Variants in CLSPN observed in about 807,000 individuals in gnomAD.
CLSPN encodes claspin, also known as claspin homolog.
CLSPN carries 85 observed loss-of-function variants against 156.3 expected under a neutral mutation model. The observed-to-expected ratio is 0.54, with a 90% confidence interval of 0.46 to 0.65. The LOEUF (loss-of-function observed/expected upper bound fraction) is 0.65. Ranked by LOEUF, CLSPN falls within the 30% of genes least tolerant of loss-of-function variation. The pLI, the probability that CLSPN is intolerant of heterozygous loss-of-function variation, is 0.00. For missense variants in CLSPN, 1,407 were observed against 1,554.9 expected (o/e 0.90, Z 1.60); for synonymous variants, 534 against 542.4 (o/e 0.98, Z 0.22).
intron 1 of CLSPN, among the ~76,000 whole-genome samples, chr1:35,768,335 T>G (rs1436653868): frequency 6.6e-6 from 1 of 150,958 alleles, no homozygotes; most frequent in Non-Finnish European, 1.5e-5. Flanking sequence ...GCCACTGCAC[T>G]CCAGTCTGGG....
At position 35,734,402 on chromosome 1, in the gene CLSPN, G is replaced by A. The variant is rs1366002679; in HGVS notation, c.*2094C>T. On this transcript the variant is annotated 3_prime_UTR_variant, in exon 25 of 25. Coordinates refer to ENST00000318121, the MANE Select transcript of CLSPN (RefSeq NM_022111.4). ...ATTAGAAAACTGTAGAAAACCGGCC[G>A]GGTGCGGTGGCTCATGCCTATAATC... 8.1e-6 allele frequency: 8 copies of A among 984,752 alleles called. No individual in the cohort carries two copies. The African/African-American group carries it at 8.7e-5, about 11-fold the overall frequency. 61.0% of individuals were successfully genotyped at this position (984,752 alleles called of 1,614,324 possible).
At position 35,733,499 on chromosome 1, in the gene CLSPN, A is replaced by G. The variant is rs1641370548; in HGVS notation, c.*2997T>C. 27 of 984,976 alleles carry G rather than the reference A, an allele frequency of 2.7e-5. No homozygotes were observed. The highest frequency in any genetic ancestry group is 3.3e-5 in the Non-Finnish European group (27 of 829,848). 61.0% of individuals were successfully genotyped at this position (984,976 alleles called of 1,614,324 possible). On this transcript the variant is annotated 3_prime_UTR_variant, in exon 25 of 25. Coordinates refer to ENST00000318121, the MANE Select transcript of CLSPN (RefSeq NM_022111.4). Reference sequence around the variant, plus strand: ...CAATTGTCTTTTCTATCTCTCCTCAAAAGACATGTAGGGAAACAAGAGGGA... The same window carrying G: ...CAATTGTCTTTTCTATCTCTCCTCAGAAGACATGTAGGGAAACAAGAGGGA...
intron 8 of CLSPN, among the ~76,000 whole-genome samples, chr1:35,758,189 T>C (rs1213609138): frequency 6.6e-6 from 1 of 151,440 alleles, no homozygotes; most frequent in Non-Finnish European, 1.5e-5. Flanking sequence ...TTTTTTTTTA[T>C]GAGACAGGGT....
exon 25 of CLSPN, chr1:35,720,777 G>T: frequency 1.5e-6 from 1 of 664,870 alleles, no homozygotes; most frequent in Non-Finnish European, 2.5e-6. Flanking sequence ...TCTCAGCTTT[G>T]GTGATCTAGG....
In CLSPN at chr1:35,738,501, C is replaced by T. The variant is rs1191226969; in HGVS notation, c.3512G>A (p.Arg1171Lys). The T allele has an allele frequency of 3.1e-6, 5 of 1,613,874 alleles. No individual in the cohort carries two copies. In the African/African-American group the frequency reaches 5.3e-5, roughly 17 times the overall value. ...TEEQLDESEA[R>K]WRKERIEREQ... ...TCGTTCAATTCGCTCCTTCCTCCAC[C>T]TGGCTTCTGACTCATCAAGCTGTTC... The change falls in exon 21 of 25, where the codon AGG (arginine) becomes AAG (lysine). Residue 1171 changes from arginine (R) to lysine (K), a missense_variant. By Grantham distance (26) the Arg-to-Lys change is conservative. This residue lies in a region of CLSPN where 241 missense variants were observed against 240.5 expected (regional missense o/e 1.00). Coordinates refer to ENST00000318121, the MANE Select transcript of CLSPN (RefSeq NM_022111.4).
Position 35,735,944 on chromosome 1 carries a change from G to C in CLSPN, c.*552C>G. The C allele has an allele frequency of 1.0e-6, 1 of 985,162 alleles. No homozygotes were observed. The highest frequency in any genetic ancestry group is 1.7e-5 in the African/African-American group (1 of 57,312). The allele number at this position is 985,162 out of a possible 1,614,324, so 61.0% of individuals were successfully genotyped here. A position where few individuals can be genotyped will look rare whatever the true frequency, so the allele number is the denominator to read the frequency against. ...GAAGTGAAACCTAACCCAAGGCCAGGTGCAGTGACTCATGCATGTGACCAG... is the reference window on the plus strand; with the variant it reads ...GAAGTGAAACCTAACCCAAGGCCAGCTGCAGTGACTCATGCATGTGACCAG... On this transcript the variant is annotated 3_prime_UTR_variant, in exon 25 of 25. Transcript: ENST00000318121.
intron 22 of CLSPN, 44 bp downstream of exon 22, chr1:35,737,948 T>G: frequency 5.3e-6 from 6 of 1,135,432 alleles, no homozygotes; most frequent in Non-Finnish European, 7.4e-6. Flanking sequence ...GCTCTACCAC[T>G]AACAATCCAG....
Position 35,764,408 on chromosome 1 carries a change from T to A in CLSPN, c.440A>T (p.Asp147Val). ...QSGNSTDFTT[D>V]RKSSKKHIHD... ...TATGTGCTTTTTGGAACTCTTTCTGTCAGTGGTAAAGTCTGTAGAGTTTCC... is the reference window on the plus strand; with the variant it reads ...TATGTGCTTTTTGGAACTCTTTCTGACAGTGGTAAAGTCTGTAGAGTTTCC... Residue 147 changes from aspartate to valine, a missense_variant, in exon 3 of 25, where the codon GAC (aspartate) becomes GTC (valine). Transcript: ENST00000318121. 1 of 1,613,992 alleles carries A rather than the reference T, an allele frequency of 6.2e-7. No individual in the cohort carries two copies. The highest frequency in any genetic ancestry group is 1.1e-5 in the South Asian group (1 of 91,008).
At chr1:35,738,401 T>G in intron 21 of CLSPN, 54 bp downstream of exon 21, 2 of 1,574,396 alleles carry the variant, frequency 1.3e-6, no homozygotes. Context: ...GAAACTATCA[T>G]GACAAGCTAA....
chr1:35,751,469 T>C lies in CLSPN; in HGVS notation c.1809A>G (p.Glu603=), dbSNP rs1642085557. The change falls in exon 10 of 25, where the codon GAA becomes GAG. Residue 603 remains glutamate (E), a synonymous_variant. Coordinates refer to ENST00000318121, the MANE Select transcript of CLSPN (RefSeq NM_022111.4). ...KLQVLKAKLQ[E]AMKLRRFEER... ...CCTCAAACCTTCGGAGTTTCATTGC[T>C]TCTTGCAGTTTAGCTTTTAACACCT... 1.2e-6 allele frequency: 2 copies of C among 1,614,118 alleles called. No individual in the cohort carries two copies. The highest frequency in any genetic ancestry group is 1.7e-6 in the Non-Finnish European group (2 of 1,180,014).
chr1:35,736,079 G>C lies in CLSPN; in HGVS notation c.*417C>G, dbSNP rs182540073. The C allele has an allele frequency of 1.8e-6, 1 of 544,104 alleles. No homozygotes were observed. The highest frequency in any genetic ancestry group is 2.1e-5 in the African/African-American group (1 of 48,552). 33.7% of individuals were successfully genotyped at this position (544,104 alleles called of 1,614,324 possible). A position where few individuals can be genotyped will look rare whatever the true frequency, so the allele number is the denominator to read the frequency against. ...CTAAAAATACAAAAATTAGCTGGGC[G>C]TATTGGCACATGCCTGTAATCCCAG... is the stretch of plus-strand genomic sequence containing the variant. On this transcript the variant is annotated 3_prime_UTR_variant, in exon 25 of 25. Transcript: ENST00000318121.
chr1:35,763,456 T>G lies in CLSPN; in HGVS notation c.583-135A>C, dbSNP rs1417791620. On this transcript the variant is annotated intron_variant, in intron 3 of 24. Coordinates refer to ENST00000318121, the MANE Select transcript of CLSPN (RefSeq NM_022111.4). ...AGACAAGCATATAAAATCTAGAACA[T>G]TCTTACTGGTTTCTAACTCACATGT... 20 of 555,026 alleles carry G rather than the reference T, an allele frequency of 3.6e-5. No homozygotes were observed. In the Admixed American group the frequency reaches 7.5e-4, roughly 21 times the overall value. The allele number at this position is 555,026 out of a possible 1,614,324, so 34.4% of individuals were successfully genotyped here.
chr1:35,767,328 T>C (rs911857868), intron 1 of CLSPN, among the ~76,000 whole-genome samples: 4 of 152,224 alleles, frequency 2.6e-5, no homozygotes, highest in Non-Finnish European at 4.4e-5. Context: ...GTTTGTTAGA[T>C]ATGCACACTA....
At position 35,749,821 on chromosome 1, in the gene CLSPN, T is replaced by C; in HGVS notation, c.2029-10A>G. 1 of 1,611,482 alleles carries C rather than the reference T, an allele frequency of 6.2e-7. No individual in the cohort carries two copies. Among genetic ancestry groups the C allele is most frequent in the Middle Eastern group, 1.7e-4 (1 of 6,034 alleles). On this transcript the variant is annotated splice_polypyrimidine_tract_variant and intron_variant, in intron 10 of 24. Transcript: ENST00000318121. Reference sequence around the variant, plus strand: ...GAAGGAATTCTGCAGTCTTTACCAATCAGGCCACCACAAAACAAAAAATAC... The same window carrying C: ...GAAGGAATTCTGCAGTCTTTACCAACCAGGCCACCACAAAACAAAAAATAC...
In CLSPN at chr1:35,743,125, TATTAATAAC is replaced by T; in HGVS notation, c.3143+7_3143+15del. The T allele has an allele frequency of 6.3e-7, 1 of 1,599,364 alleles. No individual in the cohort carries two copies. The highest frequency in any genetic ancestry group is 8.6e-7 in the Non-Finnish European group (1 of 1,166,910). ...TTAAATACACCTGAAGGAATGGACA[TATTAATAAC>T]ACGTACATTTGCCTTTTCAACTTCT... On this transcript the variant is annotated splice_region_variant and intron_variant, in intron 18 of 24. Coordinates refer to ENST00000318121, the MANE Select transcript of CLSPN (RefSeq NM_022111.4).
intron 24 of CLSPN, among the ~76,000 whole-genome samples, chr1:35,724,573 C>T (rs954596958): frequency 2.0e-5 from 3 of 152,214 alleles, no homozygotes; most frequent in African/African-American, 4.8e-5. Flanking sequence ...CTTCTCTCTT[C>T]CTGAGGTCAC....
At chr1:35,736,777 T>G in intron 24 of CLSPN, 137 bp downstream of exon 24, 3 of 1,297,032 alleles carry the variant, frequency 2.3e-6, no homozygotes, top group Non-Finnish European at 3.1e-6. Flanking sequence ...GGGTAGCAAT[T>G]CTCTTGTACC....
downstream of CLSPN, among the ~76,000 whole-genome samples, chr1:35,729,771 C>T (rs11264194): frequency 0.19 from 29,223 of 152,152 alleles, 4,426 homozygotes; most frequent in East Asian, 0.71. Context: ...TCAGCTCTAC[C>T]CATTCCTCAG....
At chr1:35,722,273 G>C (rs867966917) in intron 24 of CLSPN, among the ~76,000 whole-genome samples, 1 of 31,638 alleles carries the variant, frequency 3.2e-5, no homozygotes, top group South Asian at 1.1e-3. Flanking sequence ...TTTTTTTTTT[G>C]AGATGGAGTC....
Sources: gnomAD v4.1 joint callset for allele counts (sites outside exome capture counted in the v4.1 genomes callset) on GRCh38, gnomAD v4.1.1 for gene constraint, gnomAD v4.1.1 regional missense constraint, MANE v1.5 for transcripts, NCBI Gene and HGNC (gene_info 2026-07-23, HGNC 2026-07-21) for gene names.